Variants in GABRA3 observed in about 807,000 individuals in gnomAD.
GABRA3 encodes the protein gamma-aminobutyric acid receptor subunit alpha-3.
Under a neutral mutation model 30.1 loss-of-function variants are expected in GABRA3, and 10 were observed. The observed-to-expected ratio is 0.33, with a 90% CI of 0.20 to 0.56. The LOEUF is 0.56. Ranked by LOEUF, GABRA3 falls within the 20% of genes least tolerant of loss-of-function variation. The probability of loss-of-function intolerance (pLI) is 0.89; values close to 1 mark genes in which losing one functional copy is unlikely to be tolerated. For missense variants in GABRA3, 233 were observed against 392.0 expected (o/e 0.59, Z 3.42); for synonymous variants, 151 against 146.8 (o/e 1.03, Z -0.21).
intron 1 of GABRA3, among the ~76,000 whole-genome samples, chrX:152,390,232 A>G (rs1401657677): frequency 8.9e-6 from 1 of 112,152 alleles, no homozygotes. Flanking sequence ...TCAATCAGAT[A>G]ACTATAAAGT....
At chrX:152,215,244 T>C (rs2124373130) in intron 6 of GABRA3, among the ~76,000 whole-genome samples, 1 of 109,484 alleles carries the variant, frequency 9.1e-6, no homozygotes, top group South Asian at 3.9e-4. Flanking sequence ...CAGTTTCAGA[T>C]CTTAGAAAAG....
chrX:152,318,683 AT>A (rs1173611006), intron 3 of GABRA3, among the ~76,000 whole-genome samples: 3 of 112,305 alleles, frequency 2.7e-5, no homozygotes, highest in Admixed American at 9.5e-5. Flanking sequence ...ATGCAAGTCA[AT>A]AAATGTGATA....
chrX:152,209,543 T>C (rs752647075), intron 6 of GABRA3, among the ~76,000 whole-genome samples: 24 of 111,758 alleles, frequency 2.1e-4, no homozygotes, highest in Non-Finnish European at 4.0e-4. Flanking sequence ...ATATACTCTA[T>C]TGAAACCTTC....
intron 1 of GABRA3, among the ~76,000 whole-genome samples, chrX:152,381,590 G>T (rs1341511465): frequency 4.5e-5 from 5 of 111,079 alleles, no homozygotes; most frequent in Non-Finnish European, 9.4e-5. Context: ...AAGTTCTGAG[G>T]TACATGTGCA....
intron 7 of GABRA3, among the ~76,000 whole-genome samples, chrX:152,203,103 G>C (rs1173321023): frequency 8.9e-6 from 1 of 111,792 alleles, no homozygotes; most frequent in African/African-American, 3.3e-5. Flanking sequence ...TGCCCAGAGA[G>C]GACACAGACC....
At chrX:152,183,820 A>G (rs1381697499) in intron 9 of GABRA3, among the ~76,000 whole-genome samples, 1 of 111,460 alleles carries the variant, frequency 9.0e-6, no homozygotes. Flanking sequence ...TTGGTTGTTC[A>G]GGAGAATGTT....
chrX:152,220,433 T>C (rs1201698697), intron 6 of GABRA3, among the ~76,000 whole-genome samples: 3 of 111,809 alleles, frequency 2.7e-5, no homozygotes, highest in Admixed American at 9.5e-5. Flanking sequence ...TGCGTGACTA[T>C]GCTACAGCTT....
rs148366335 is a variant in GABRA3 at position 152,376,343 on chromosome X, G to A, written c.-26-11747C>T. The stretch of plus-strand genomic sequence containing the variant: ...TACCTTCATATGAATCCTAATCTCC[G>A]AGCCTGCTTGAGTGAAACCCAATTT... On this transcript the variant is annotated intron_variant, in intron 1 of 9. Coordinates refer to ENST00000370314, the MANE Select transcript of GABRA3 (RefSeq NM_000808.4). Among the ~76,000 whole-genome samples the A allele has an allele frequency of 4.1e-3, 453 of 109,876 alleles. 2 individuals carry two copies. The highest frequency in any genetic ancestry group is 0.014 in the African/African-American group (415 of 30,175).
intron 3 of GABRA3, among the ~76,000 whole-genome samples, chrX:152,336,794 T>C (rs1176894421): frequency 4.5e-5 from 5 of 111,323 alleles, no homozygotes; most frequent in African/African-American, 6.5e-5. Flanking sequence ...ATGCAGAAAA[T>C]GATTTTAGGA....
chrX:152,219,911 G>A (rs1405744707), intron 6 of GABRA3, among the ~76,000 whole-genome samples: 1 of 110,884 alleles, frequency 9.0e-6, no homozygotes, highest in Non-Finnish European at 1.9e-5. Context: ...TCCTTAAACT[G>A]GCAATTTGGA....
rs1936949210 is a variant in GABRA3 at position 152,167,333 on chromosome X, T to C, written c.*895A>G. ...CCTTGGCAGGGAGGTGACTTTTGTA[T>C]CTCTCCCATATTTTAAAAAAATGTT... On this transcript the variant is annotated 3_prime_UTR_variant, in exon 10 of 10. Coordinates refer to ENST00000370314, the MANE Select transcript of GABRA3 (RefSeq NM_000808.4). The C allele has an allele frequency of 8.9e-6, 1 of 112,327 alleles. No homozygotes were observed. The highest frequency in any genetic ancestry group is 1.9e-5 in the Non-Finnish European group (1 of 53,324). 9.3% of individuals were successfully genotyped at this position (112,327 alleles called of 1,213,427 possible). A position where few individuals can be genotyped will look rare whatever the true frequency, so the allele number is the denominator to read the frequency against.
chrX:152,215,028 G>A (rs1056945174), intron 6 of GABRA3, among the ~76,000 whole-genome samples: 1 of 100,370 alleles, frequency 1.0e-5, no homozygotes, highest in African/African-American at 3.6e-5. Context: ...ATATATGTAT[G>A]TGTGTATGGA....
chrX:152,305,542 T>G (rs752011923), intron 3 of GABRA3, among the ~76,000 whole-genome samples: 1 of 111,711 alleles, frequency 9.0e-6, no homozygotes. Context: ...AAAAGAACAC[T>G]TTTCCAAATC....
intron 4 of GABRA3, among the ~76,000 whole-genome samples, chrX:152,257,466 T>A: frequency 8.9e-6 from 1 of 112,903 alleles, no homozygotes; most frequent in East Asian, 2.8e-4. Flanking sequence ...TCCAATCGTA[T>A]GTGGGATGAA....
chrX:152,241,351 A>G (rs1456453862), intron 5 of GABRA3, among the ~76,000 whole-genome samples: 1 of 94,345 alleles, frequency 1.1e-5, no homozygotes. Context: ...TTGAGGAGGC[A>G]GTCTGCCGGT....
chrX:152,365,797 A>G (rs1217577933), intron 1 of GABRA3, among the ~76,000 whole-genome samples: 1 of 111,589 alleles, frequency 9.0e-6, no homozygotes. Context: ...CAGCCACTGG[A>G]TCTATATTAA....
At chrX:152,322,168 ATACTGATACATG>A (rs1428061322) in intron 3 of GABRA3, among the ~76,000 whole-genome samples, 1 of 112,505 alleles carries the variant, frequency 8.9e-6, no homozygotes, top group Non-Finnish European at 1.9e-5. Context: ...AAAGAATGAC[ATACTGATACATG>A]TACTGATACA....
At chrX:152,266,672 C>T (rs185445799) in intron 4 of GABRA3, among the ~76,000 whole-genome samples, 18 of 111,314 alleles carry the variant, frequency 1.6e-4, no homozygotes, top group African/African-American at 2.6e-4. Flanking sequence ...TTACTGTATC[C>T]GAAGCATTGC....
At chrX:152,430,735 G>A (rs773261487) in intron 1 of GABRA3, among the ~76,000 whole-genome samples, 11 of 111,765 alleles carry the variant, frequency 9.8e-5, no homozygotes, top group Admixed American at 8.6e-4. Flanking sequence ...ATCATAATAC[G>A]GGAAATGCAA....
Sources: allele counts gnomAD v4.1 joint callset (sites outside exome capture counted in the v4.1 genomes callset), GRCh38; gene constraint gnomAD v4.1.1; transcripts MANE v1.5; gene names NCBI Gene and HGNC (gene_info 2026-07-23, HGNC 2026-07-21).